The following RAPGEF6 variants were observed in gnomAD, a reference collection of about 807,000 sequenced individuals.
The protein encoded by RAPGEF6 is Rap guanine nucleotide exchange factor 6.
RAPGEF6 carries 56 observed loss-of-function variants against 171.4 expected under a neutral mutation model. That is an observed-to-expected ratio of 0.33 (90% CI 0.26 to 0.41). The LOEUF is 0.41. Among genes scored for constraint, RAPGEF6 ranks in the 10% least tolerant of loss-of-function variants. RAPGEF6 has a pLI of 1.00. For synonymous variants in RAPGEF6, 692 were observed against 650.1 expected, an observed-to-expected ratio of 1.06 and a Z score of -0.98; for missense variants, 1,674 against 1,921.4, an observed-to-expected ratio of 0.87 and a Z score of 2.41.
At chr5:131,600,647 G>C (rs1764185630) in intron 3 of RAPGEF6, among the ~76,000 whole-genome samples, 1 of 150,470 alleles carries the variant, frequency 6.6e-6, no homozygotes, top group South Asian at 2.1e-4. Flanking sequence ...GGGAGCGAAG[G>C]AAGGAAGGAA....
At chr5:131,543,743 TA>T (rs1243846068) in intron 6 of RAPGEF6, among the ~76,000 whole-genome samples, 2 of 152,198 alleles carry the variant, frequency 1.3e-5, no homozygotes, top group East Asian at 3.8e-4. Context: ...CTGGAGTTTT[TA>T]TACTTGGCTT....
rs1764383423 is a variant in RAPGEF6, at chr5:131,603,648, C to G, written c.141-321G>C. Among the ~76,000 whole-genome samples, 5 of 151,972 alleles carry G rather than the reference C, an allele frequency of 3.3e-5. No individual in the cohort carries two copies. The South Asian group carries it at 1.0e-3, about 32-fold the overall frequency. ...CATTTGTCTGATTCACTACTGAATC[C>G]TCAGTGTGAAGAACAGTTACTGGCA... is the stretch of plus-strand genomic sequence containing the variant. On this transcript the variant is annotated intron_variant, in intron 2 of 27. Coordinates refer to ENST00000509018, the MANE Select transcript of RAPGEF6 (RefSeq NM_016340.6).
chr5:131,502,848 G>T (rs1580928937), intron 11 of RAPGEF6, among the ~76,000 whole-genome samples: 1 of 152,206 alleles, frequency 6.6e-6, no homozygotes, highest in South Asian at 2.1e-4. Context: ...GCCCAGGCTG[G>T]AGTGCAATGG....
intron 1 of RAPGEF6, 96 bp downstream of exon 1, chr5:131,634,866 G>A: frequency 7.3e-7 from 1 of 1,378,428 alleles, no homozygotes; most frequent in South Asian, 1.2e-5. Flanking sequence ...GCAGGTGCGA[G>A]ACTCTGGCAA....
At chr5:131,621,376 AC>A (rs1433133605) in intron 1 of RAPGEF6, among the ~76,000 whole-genome samples, 4 of 151,736 alleles carry the variant, frequency 2.6e-5, no homozygotes, top group African/African-American at 4.8e-5. Context: ...TGCAGCCTCA[AC>A]CTCCTGGGCT....
intron 4 of RAPGEF6, among the ~76,000 whole-genome samples, chr5:131,579,777 T>C (rs1322778279): frequency 2.0e-5 from 3 of 152,214 alleles, no homozygotes; most frequent in African/African-American, 7.2e-5. Context: ...GAGTGCTGAA[T>C]GGTGCATTTA....
intron 6 of RAPGEF6, among the ~76,000 whole-genome samples, chr5:131,544,459 A>C (rs1581000912): frequency 6.6e-6 from 1 of 152,218 alleles, no homozygotes; most frequent in East Asian, 1.9e-4. Context: ...AAAAAAATCC[A>C]CAATATATGA....
intron 1 of RAPGEF6, among the ~76,000 whole-genome samples, chr5:131,615,249 A>C (rs1243716595): frequency 1.3e-5 from 2 of 152,242 alleles, no homozygotes; most frequent in East Asian, 3.8e-4. Context: ...AAGAATGCTA[A>C]GCATTCACAA....
At chr5:131,541,610 G>A (rs1451890134) in intron 6 of RAPGEF6, among the ~76,000 whole-genome samples, 1 of 151,452 alleles carries the variant, frequency 6.6e-6, no homozygotes, top group African/African-American at 2.4e-5. Flanking sequence ...TTCCATCTTG[G>A]CCTCTCAAAG....
At chr5:131,497,411 C>G (rs181571366) in intron 12 of RAPGEF6, among the ~76,000 whole-genome samples, 31 of 152,150 alleles carry the variant, frequency 2.0e-4, no homozygotes, top group African/African-American at 7.5e-4. Flanking sequence ...GCTTGGGTAT[C>G]ATATTTTCAT....
chr5:131,473,280 A>G (rs577436344), intron 16 of RAPGEF6, among the ~76,000 whole-genome samples: 1 of 152,250 alleles, frequency 6.6e-6, no homozygotes, highest in Non-Finnish European at 1.5e-5. Context: ...GAAAAAAAAT[A>G]GAATTATGAA....
At chr5:131,534,943 T>C (rs1413726462) in intron 6 of RAPGEF6, among the ~76,000 whole-genome samples, 5 of 151,856 alleles carry the variant, frequency 3.3e-5, no homozygotes, top group African/African-American at 1.2e-4. Flanking sequence ...TTTTTATAAA[T>C]CATGCTGATC....
rs182477522 is a variant in RAPGEF6, at chr5:131,580,059, G to A, written c.281+12324C>T. Among the ~76,000 whole-genome samples the A allele has an allele frequency of 9.2e-5, 14 of 152,348 alleles. No homozygotes were observed. In the East Asian group the frequency reaches 2.3e-3, roughly 25 times the overall value. On this transcript the variant is annotated intron_variant, in intron 4 of 27. Transcript: ENST00000509018. Reference sequence around the variant, plus strand: ...TGCACTCCTCAGCCCTTGGGTGGTCGATGGGACCAGGCGCCGCAGAGCAGG... The same window carrying A: ...TGCACTCCTCAGCCCTTGGGTGGTCAATGGGACCAGGCGCCGCAGAGCAGG...
chr5:131,450,149 C>T (rs1422986062), intron 21 of RAPGEF6: 1 of 1,250,578 alleles, frequency 8.0e-7, no homozygotes, highest in Non-Finnish European at 1.1e-6. Context: ...CAGAAAAGAA[C>T]AGAAACATTT....
At chr5:131,562,768 C>T (rs1176253229) in intron 4 of RAPGEF6, among the ~76,000 whole-genome samples, 1 of 152,034 alleles carries the variant, frequency 6.6e-6, no homozygotes, top group Non-Finnish European at 1.5e-5. Context: ...AGTAGAGATG[C>T]AACCATCCAT....
chr5:131,595,264 C>T (rs564881542), intron 3 of RAPGEF6, among the ~76,000 whole-genome samples: 82 of 142,882 alleles, frequency 5.7e-4, no homozygotes, highest in African/African-American at 1.9e-3. Flanking sequence ...TGTGGCATTT[C>T]CCCCCATCGC....
intron 4 of RAPGEF6, among the ~76,000 whole-genome samples, chr5:131,570,041 C>CAAAAAAA (rs34729268): frequency 1.5e-4 from 4 of 27,490 alleles, no homozygotes; most frequent in African/African-American, 5.6e-4. Flanking sequence ...GACTCTGTCT[C>CAAAAAAA]AAAAAAAAAA....
chr5:131,473,694 GAATA>G (rs771387209), intron 16 of RAPGEF6, among the ~76,000 whole-genome samples: 1 of 151,966 alleles, frequency 6.6e-6, no homozygotes, highest in South Asian at 2.1e-4. Context: ...AAGTATCACA[GAATA>G]CTTACCTATT....
intron 15 of RAPGEF6, among the ~76,000 whole-genome samples, chr5:131,486,861 G>T (rs1755927970): frequency 6.6e-6 from 1 of 151,532 alleles, no homozygotes; most frequent in African/African-American, 2.4e-5. Flanking sequence ...CAGCGTCCTA[G>T]AAATGTTTTT....
Sources: gnomAD v4.1 joint callset for allele counts (sites outside exome capture counted in the v4.1 genomes callset) on GRCh38, gnomAD v4.1.1 for gene constraint, MANE v1.5 for transcripts, NCBI Gene and HGNC (gene_info 2026-07-23, HGNC 2026-07-21) for gene names.